FBXL13: variants seen among roughly 807,000 people sequenced by gnomAD.
The protein encoded by FBXL13 is F-box and leucine rich repeat protein 13.
In FBXL13, 67 loss-of-function variants were observed where a neutral mutation model predicts 83.6. The ratio of observed to expected loss-of-function variants is 0.80; its 90% CI spans 0.66 to 0.98. The LOEUF (loss-of-function observed/expected upper bound fraction) is 0.98, where lower values mean the gene tolerates loss of function less well. FBXL13 is among the 50% of genes least tolerant of loss of function. The pLI is 0.00. For synonymous variants in FBXL13, 272 were observed against 299.5 expected (o/e 0.91, Z 0.95); for missense variants, 822 against 866.5 (o/e 0.95, Z 0.64).
chr7:102,934,505 C>G (rs1819895303), intron 8 of FBXL13: 2 of 1,612,268 alleles, frequency 1.2e-6, no homozygotes, highest in Non-Finnish European at 1.7e-6. Context: ...TCCACAAGAA[C>G]AAAAAAATAA....
At chr7:102,942,737 T>C (rs1399881227) in intron 8 of FBXL13, among the ~76,000 whole-genome samples, 2 of 152,158 alleles carry the variant, frequency 1.3e-5, no homozygotes, top group African/African-American at 2.4e-5. Context: ...AGTTATTTTT[T>C]TAAGGGGGAA....
intron 6 of FBXL13, among the ~76,000 whole-genome samples, chr7:103,015,025 T>C (rs184665849): frequency 1.3e-3 from 202 of 151,100 alleles, no homozygotes; most frequent in African/African-American, 4.6e-3. Flanking sequence ...CTCCCTAAGA[T>C]GCAAGGTTGG....
In FBXL13 at chr7:102,883,693, A is replaced by T; in HGVS notation, c.1108-8T>A. On this transcript the variant is annotated splice_region_variant and splice_polypyrimidine_tract_variant and intron_variant, in intron 12 of 19. Coordinates refer to ENST00000313221, the Ensembl canonical transcript of FBXL13. ...GCATTTTTCAACTAAAGCCTTTAGA[A>T]GAAAAAAATGATTAAATTAATCAAG... 2.0e-6 allele frequency: 3 copies of T among 1,537,948 alleles called. No individual in the cohort carries two copies. Among genetic ancestry groups the T allele is most frequent in the Non-Finnish European group, 2.7e-6 (3 of 1,115,434 alleles).
intron 15 of FBXL13, 47 bp from the exon 17 acceptor site, chr7:102,877,640 C>T (rs1206012780): frequency 6.4e-7 from 1 of 1,559,692 alleles, no homozygotes. Context: ...ATCATATTGT[C>T]AGTAAGCAAT....
At chr7:102,902,980 T>C (rs950759315) in intron 11 of FBXL13, among the ~76,000 whole-genome samples, 2 of 152,146 alleles carry the variant, frequency 1.3e-5, no homozygotes, top group Admixed American at 6.5e-5. Flanking sequence ...GGTATTTTGA[T>C]AGGGATTTCA....
intron 16 of FBXL13, among the ~76,000 whole-genome samples, chr7:102,869,973 T>C (rs1029847330): frequency 6.6e-6 from 1 of 152,232 alleles, no homozygotes; most frequent in Non-Finnish European, 1.5e-5. Context: ...ACTCTATCAA[T>C]GACTATTAAA....
At chr7:103,023,347 A>C (rs1472146393) in intron 6 of FBXL13, among the ~76,000 whole-genome samples, 2 of 152,188 alleles carry the variant, frequency 1.3e-5, no homozygotes, top group East Asian at 3.8e-4. Flanking sequence ...CAGACAAACA[A>C]ACACTTCTTA....
At chr7:102,849,287 A>G (rs1804746392) in intron 17 of FBXL13, among the ~76,000 whole-genome samples, 1 of 152,256 alleles carries the variant, frequency 6.6e-6, no homozygotes, top group Non-Finnish European at 1.5e-5. Context: ...TTGTTCTCAG[A>G]AAAGAACTAA....
intron 1 of FBXL13, among the ~76,000 whole-genome samples, chr7:103,073,860 T>C (rs1799308379): frequency 6.6e-6 from 1 of 152,136 alleles, no homozygotes; most frequent in Non-Finnish European, 1.5e-5. Flanking sequence ...GACATCTCTC[T>C]CCCTCATTCT....
At chr7:102,938,435 C>T (rs1458661852) in intron 8 of FBXL13, among the ~76,000 whole-genome samples, 4 of 152,148 alleles carry the variant, frequency 2.6e-5, no homozygotes, top group Non-Finnish European at 5.9e-5. Context: ...TGCTGACAAC[C>T]AATATAGCCT....
chr7:103,011,649 A>G (rs1791638635), intron 6 of FBXL13, among the ~76,000 whole-genome samples: 1 of 151,822 alleles, frequency 6.6e-6, no homozygotes. Flanking sequence ...AAAAAAAAAA[A>G]AAAAGAAACA....
intron 16 of FBXL13, among the ~76,000 whole-genome samples, chr7:102,860,190 T>G (rs1806601474): frequency 1.3e-5 from 2 of 152,218 alleles, no homozygotes; most frequent in African/African-American, 4.8e-5. Context: ...CTGGGGAATA[T>G]GAGTGGGTAC....
chr7:102,888,926 G>A (rs1335814204), intron 11 of FBXL13, among the ~76,000 whole-genome samples: 2 of 152,014 alleles, frequency 1.3e-5, no homozygotes, highest in African/African-American at 4.8e-5. Context: ...TCAACCTCTC[G>A]ACTCTTAGTT....
At chr7:102,899,127 C>G (rs1201420661) in intron 11 of FBXL13, among the ~76,000 whole-genome samples, 1 of 152,120 alleles carries the variant, frequency 6.6e-6, no homozygotes, top group Non-Finnish European at 1.5e-5. Flanking sequence ...TTTGGCCAGG[C>G]TGGTCTCAAA....
rs140085558 is a variant in FBXL13, at chr7:102,899,838, A to C, written c.1008+13248T>G. Among the ~76,000 whole-genome samples the C allele has an allele frequency of 3.7e-3, 569 of 152,222 alleles. 5 individuals are homozygous for C. Among genetic ancestry groups the C allele is most frequent in the African/African-American group, 0.014 (562 of 41,552 alleles). On this transcript the variant is annotated intron_variant, in intron 11 of 19. Coordinates refer to ENST00000313221, the Ensembl canonical transcript of FBXL13. ...ACTGTAATCCCAGCACTTTGGGAGG[A>C]CGAGGTGGGCAACCTGAGGTTGGGA...
chr7:102,877,464 T>A lies in FBXL13; in HGVS notation c.1635+3A>T. The A allele has an allele frequency of 6.3e-7, 1 of 1,575,146 alleles. No homozygotes were observed. Among genetic ancestry groups the A allele is most frequent in the Non-Finnish European group, 8.6e-7 (1 of 1,166,186 alleles). On this transcript the variant is annotated splice_donor_region_variant and intron_variant, in intron 16 of 19. Coordinates refer to ENST00000313221, the Ensembl canonical transcript of FBXL13. ...GTCATTGTACTGTTTTGAATTTTTT[T>A]ACCTCATTAGAGATGTCTGTTCCAG...
chr7:102,917,933 C>T (rs546406768), intron 10 of FBXL13, among the ~76,000 whole-genome samples: 1 of 152,120 alleles, frequency 6.6e-6, no homozygotes, highest in South Asian at 2.1e-4. Flanking sequence ...AGGCAGCCCT[C>T]ATTTTCAACT....
chr7:102,840,077 A>AT (rs1802657920), intron 17 of FBXL13, among the ~76,000 whole-genome samples: 1 of 152,236 alleles, frequency 6.6e-6, no homozygotes, highest in Admixed American at 6.5e-5. Context: ...AACATATAAA[A>AT]TTTGACAGAT....
chr7:103,022,212 C>T (rs1393577312), intron 6 of FBXL13, among the ~76,000 whole-genome samples: 1 of 151,984 alleles, frequency 6.6e-6, no homozygotes, highest in African/African-American at 2.4e-5. Flanking sequence ...CCATCATTCT[C>T]AGCAAATTAT....
Sources: gnomAD v4.1 joint callset for allele counts (sites outside exome capture counted in the v4.1 genomes callset) on GRCh38, gnomAD v4.1.1 for gene constraint, MANE v1.5 for transcripts, NCBI Gene and HGNC (gene_info 2026-07-23, HGNC 2026-07-21) for gene names.